The following CATSPERG variants were observed in gnomAD, a reference collection of about 807,000 sequenced individuals.
CATSPERG encodes the protein catsper channel auxiliary subunit gamma.
In CATSPERG, 115 loss-of-function variants were observed where a neutral mutation model predicts 145.0. That is an observed-to-expected ratio of 0.79 (90% CI 0.68 to 0.93). The LOEUF is 0.93. Ranked by LOEUF, CATSPERG falls within the 40% of genes least tolerant of loss-of-function variation. The probability of loss-of-function intolerance (pLI) is 0.00; values close to 1 mark genes in which losing one functional copy is unlikely to be tolerated. For missense variants in CATSPERG, 1,296 were observed against 1,490.1 expected, an observed-to-expected ratio of 0.87 and a Z score of 2.14; for synonymous variants, 588 against 589.0, an observed-to-expected ratio of 1.00 and a Z score of 0.02.
chr19:38,363,914 C>T (rs4801723), intron 20 of CATSPERG, among the ~76,000 whole-genome samples: 31,990 of 152,230 alleles, frequency 0.21, 3,593 homozygotes, highest in Admixed American at 0.31. Flanking sequence ...TTTCCCCACC[C>T]TTCCCCGCTT....
At chr19:38,340,620 A>G in intron 3 of CATSPERG, among the ~76,000 whole-genome samples, 1 of 150,378 alleles carries the variant, frequency 6.6e-6, no homozygotes, top group East Asian at 2.0e-4. Flanking sequence ...GCGCCCGGCC[A>G]ATAATTTTAT....
At chr19:38,362,667 GGCCTGTCTGT>G in intron 19 of CATSPERG, 37 bp from the exon 20 acceptor site, 1 of 1,607,254 alleles carries the variant, frequency 6.2e-7, no homozygotes, top group Non-Finnish European at 8.5e-7. Flanking sequence ...GGAGGGGCGG[GGCCTGTCTGT>G]GAGGGAGGCC....
intron 14 of CATSPERG, chr19:38,360,112 G>A: frequency 1.0e-6 from 1 of 985,318 alleles, no homozygotes; most frequent in Middle Eastern, 5.2e-4. Flanking sequence ...ATGGGAAACT[G>A]AGGCCAGGGA....
rs758839326 is a variant in CATSPERG, at chr19:38,344,005, CAGA to C, written c.488_490del (p.Glu163del). The C allele has an allele frequency of 2.4e-5, 37 of 1,550,686 alleles. No homozygotes were observed. Among genetic ancestry groups the C allele is most frequent in the Non-Finnish European group, 3.1e-5 (35 of 1,146,852 alleles). On this transcript the variant is annotated inframe_deletion, in exon 5 of 29. Coordinates refer to ENST00000409235, the MANE Select transcript of CATSPERG (RefSeq NM_021185.5). The stretch of plus-strand genomic sequence containing the variant: ...GGCCTCCCTGCAGAGCCATGCATGG[CAGA>C]AGAAGTGTGTAGCATGAGCTGGTAC...
intron 16 of CATSPERG, 85 bp from the exon 17 acceptor site, chr19:38,361,563 G>C: frequency 9.2e-7 from 1 of 1,081,606 alleles, no homozygotes; most frequent in Non-Finnish European, 1.3e-6. Flanking sequence ...ACGGGAAGTG[G>C]GTGGGGTGGG....
At chr19:38,359,638 G>A in intron 14 of CATSPERG, 57 bp downstream of exon 14, 2 of 1,552,966 alleles carry the variant, frequency 1.3e-6, no homozygotes, top group East Asian at 2.4e-5. Flanking sequence ...AACCCCAGGG[G>A]CCCCTCTTTC....
Position 38,360,821 on chromosome 19 carries a change from C to A in CATSPERG, c.1858C>A (p.His620Asn), listed in dbSNP as rs776952224. ...QLLMYQQHTS[H>N]YDLERKGGYL... ...TCTGATGTATCAACAGCACACCAGC[C>A]ACTATGACTTGGAGCGGAAAGGGTG... The change falls in exon 16 of 29, where the codon CAC becomes AAC. Residue 620 changes from histidine to asparagine, a missense_variant. Transcript: ENST00000409235. 1 of 1,611,936 alleles carries A rather than the reference C, an allele frequency of 6.2e-7. No homozygotes were observed. Among genetic ancestry groups the A allele is most frequent in the Non-Finnish European group, 8.5e-7 (1 of 1,179,020 alleles).
Position 38,362,802 on chromosome 19 carries a change from C to A in CATSPERG, c.2445C>A (p.Val815=). Residue 815 remains valine, a synonymous_variant, in exon 20 of 29, where the codon GTC becomes GTA. Coordinates refer to ENST00000409235, the MANE Select transcript of CATSPERG (RefSeq NM_021185.5). ...GCIEASVKQE[V]LINRNSVLFS... ...TCGAGGCCTCGGTGAAGCAGGAGGT[C>A]CTGATTAATCGCAACTCGGTGCTAT... 6.2e-7 allele frequency: 1 copy of A among 1,613,674 alleles called. No homozygotes were observed. Among genetic ancestry groups the A allele is most frequent in the Non-Finnish European group, 8.5e-7 (1 of 1,179,906 alleles).
In CATSPERG at chr19:38,343,733, G is replaced by A; in HGVS notation, c.469+9G>A. 1.3e-6 allele frequency: 2 copies of A among 1,548,118 alleles called. No individual in the cohort carries two copies. Among genetic ancestry groups the A allele is most frequent in the South Asian group, 1.2e-5 (1 of 83,976 alleles). ...CCCCTTCCGCAGCAAAGGTGGGCCTGGGGGAGGCGGGAGGGATCGCAACCT... is the reference window on the plus strand; with the variant it reads ...CCCCTTCCGCAGCAAAGGTGGGCCTAGGGGAGGCGGGAGGGATCGCAACCT... On this transcript the variant is annotated intron_variant, in intron 4 of 28. Transcript: ENST00000409235.
Position 38,336,475 on chromosome 19 carries a change from G to A in CATSPERG, c.-15+600G>A, listed in dbSNP as rs138816936. 5.6e-3 allele frequency: 1,713 copies of A among 305,684 alleles called. 12 individuals carry two copies. The highest frequency in any genetic ancestry group is 8.2e-3 in the Non-Finnish European group (1,261 of 153,732). The allele number at this position is 305,684 out of a possible 1,614,324, so 18.9% of individuals were successfully genotyped here. ...GTCAGGAGCGGAAGCAGAGTGAGGA[G>A]CAAGCCCCGGGCGAGAAACGGGGGC... On this transcript the variant is annotated intron_variant, in intron 1 of 28. Coordinates refer to ENST00000409235, the MANE Select transcript of CATSPERG (RefSeq NM_021185.5).
At position 38,361,790 on chromosome 19, in the gene CATSPERG, A is replaced by G. The variant is rs756701637; in HGVS notation, c.2023A>G (p.Asn675Asp). 26 of 1,612,808 alleles carry G rather than the reference A, an allele frequency of 1.6e-5. No homozygotes were observed. In the South Asian group the frequency reaches 2.4e-4, roughly 15 times the overall value. Residue 675 changes from asparagine (N) to aspartate (D), a missense_variant, in exon 17 of 29, where the codon AAC becomes GAC. Coordinates refer to ENST00000409235, the MANE Select transcript of CATSPERG (RefSeq NM_021185.5). ...CGTCCTGGAGCGCTCGGGCTTCCAC[A>G]ACGAGAACTCGCTCGCCATCTACCA... Reference protein sequence around the residue: ...PRVLERSGFHNENSLAIYQGL... With the variant: ...PRVLERSGFHDENSLAIYQGL...
chr19:38,344,899 A>ATTTTTTT (rs1457655650), intron 6 of CATSPERG, among the ~76,000 whole-genome samples: 11 of 93,098 alleles, frequency 1.2e-4, no homozygotes, highest in South Asian at 3.9e-4. Flanking sequence ...ATATATATAT[A>ATTTTTTT]TATTTTTTTT....
chr19:38,367,118 C>G lies in CATSPERG; in HGVS notation c.2614-38C>G, dbSNP rs535188550. ...TACCCCTCCAGGGGCCTGAGGAGAC[C>G]CTGGCCACCCCTGTGAGCCTTTTTT... On this transcript the variant is annotated intron_variant, in intron 22 of 28. Transcript: ENST00000409235. 102 of 1,584,450 alleles carry G rather than the reference C, an allele frequency of 6.4e-5. 3 individuals are homozygous for G. In the South Asian group the frequency reaches 1.1e-3, roughly 18 times the overall value.
At position 38,360,544 on chromosome 19, in the gene CATSPERG, GC is replaced by G; in HGVS notation, c.1665del (p.Trp556GlyfsTer7). 6.2e-7 allele frequency: 1 copy of G among 1,614,156 alleles called. No individual in the cohort carries two copies. Among genetic ancestry groups the G allele is most frequent in the Non-Finnish European group, 8.5e-7 (1 of 1,180,028 alleles). ...YRVYQLFPSK[G>X]WQVHISLKLM... ...GTCTACCAGCTGTTCCCTTCCAAGG[GC>G]TGGCAGGTGCACATCAGCTTAAAGC... On this transcript the variant is annotated frameshift_variant, in exon 15 of 29. Transcript: ENST00000409235. LOFTEE classifies it high-confidence loss of function.
At chr19:38,370,422 C>T in intron 28 of CATSPERG, 104 bp from the exon 29 acceptor site, 2 of 1,501,638 alleles carry the variant, frequency 1.3e-6, no homozygotes, top group Non-Finnish European at 9.2e-7. Flanking sequence ...TTTCCTCCTG[C>T]TGTCATGCCT....
At chr19:38,341,931 G>C (rs947174156) in intron 3 of CATSPERG, among the ~76,000 whole-genome samples, 4 of 151,526 alleles carry the variant, frequency 2.6e-5, no homozygotes, top group African/African-American at 9.7e-5. Flanking sequence ...AAAAAAATTA[G>C]CCAGGCGTGG....
intron 14 of CATSPERG, chr19:38,360,274 A>C (rs1970321441): frequency 1.0e-6 from 1 of 985,220 alleles, no homozygotes; most frequent in Non-Finnish European, 1.2e-6. Flanking sequence ...AAGTGATCAT[A>C]GTGTGTGAGG....
chr19:38,352,436 AGT>A lies in CATSPERG; in HGVS notation c.997+8_997+9del, dbSNP rs369830498. 338 of 1,551,548 alleles carry A rather than the reference AGT, an allele frequency of 2.2e-4. 1 individual carries two copies. The African/African-American group carries it at 4.2e-3, about 19-fold the overall frequency. ...TATGAGAGAAACCGCGGCAGTGGTG[AGT>A]GTGCTGTGGCTGGACCCACGCCTGG... On this transcript the variant is annotated splice_donor_5th_base_variant and intron_variant, in intron 8 of 28. Transcript: ENST00000409235.
intron 20 of CATSPERG, among the ~76,000 whole-genome samples, chr19:38,363,558 C>G (rs923714512): frequency 2.7e-5 from 4 of 148,340 alleles, no homozygotes; most frequent in Non-Finnish European, 4.4e-5. Context: ...GGAAGGTCAG[C>G]AGATAAACAA....
Sources: gnomAD v4.1 joint callset for allele counts (sites outside exome capture counted in the v4.1 genomes callset) on GRCh38, gnomAD v4.1.1 for gene constraint, MANE v1.5 for transcripts, NCBI Gene and HGNC (gene_info 2026-07-23, HGNC 2026-07-21) for gene names.